RBFOX1: variants seen among roughly 807,000 people sequenced by gnomAD.
RBFOX1 encodes RNA binding fox-1 homolog 1, also known as RNA binding protein fox-1 homolog 1.
A neutral mutation model predicts 57.7 loss-of-function variants in RBFOX1; 8 were observed. The observed-to-expected ratio is 0.14, with a 90% CI of 0.08 to 0.25. RBFOX1 has a LOEUF of 0.25. RBFOX1 is among the 10% of genes least tolerant of loss of function. RBFOX1 has a pLI of 1.00. For synonymous variants in RBFOX1, 326 were observed against 222.4 expected (o/e 1.47, Z -4.15); for missense variants, 611 against 548.5 (o/e 1.11, Z -1.14).
intron 3 of RBFOX1, among the ~76,000 whole-genome samples, chr16:5,745,880 C>T (rs187629294): frequency 6.1e-4 from 93 of 152,264 alleles, no homozygotes; most frequent in African/African-American, 1.9e-3. Flanking sequence ...TTCTCCCATT[C>T]TGTAGGTTGC....
intron 3 of RBFOX1, among the ~76,000 whole-genome samples, chr16:6,881,865 G>C (rs951006223): frequency 6.6e-6 from 1 of 152,114 alleles, no homozygotes; most frequent in African/African-American, 2.4e-5. Context: ...AAAATCTTAA[G>C]AACTGTAGTA....
intron 2 of RBFOX1, among the ~76,000 whole-genome samples, chr16:6,542,415 C>T (rs1222379732): frequency 6.7e-6 from 1 of 148,448 alleles, no homozygotes; most frequent in Non-Finnish European, 1.5e-5. Context: ...CTGAGCTCAA[C>T]AACTGCAGCT....
At chr16:6,453,062 T>A (rs1345348119) in intron 2 of RBFOX1, among the ~76,000 whole-genome samples, 1 of 152,200 alleles carries the variant, frequency 6.6e-6, no homozygotes, top group Non-Finnish European at 1.5e-5. Flanking sequence ...GTATGTATTG[T>A]ACAACTACTC....
chr16:6,253,565 A>G (rs536827266), intron 1 of RBFOX1, among the ~76,000 whole-genome samples: 2 of 152,104 alleles, frequency 1.3e-5, no homozygotes, highest in Admixed American at 1.3e-4. Context: ...TTTGTTTTCC[A>G]ATCAAAGCTT....
intron 3 of RBFOX1, among the ~76,000 whole-genome samples, chr16:5,764,894 C>G (rs889017911): frequency 2.6e-5 from 4 of 152,086 alleles, no homozygotes; most frequent in Non-Finnish European, 4.4e-5. Context: ...CTGTGATCAT[C>G]CTATGAAATA....
At chr16:6,427,640 A>C (rs1168089380) in intron 2 of RBFOX1, among the ~76,000 whole-genome samples, 1 of 152,136 alleles carries the variant, frequency 6.6e-6, no homozygotes, top group Non-Finnish European at 1.5e-5. Context: ...AAGGTGGATT[A>C]TTTTTTGCAA....
chr16:6,162,022 G>T (rs2096883124), intron 1 of RBFOX1, among the ~76,000 whole-genome samples: 1 of 152,208 alleles, frequency 6.6e-6, no homozygotes, highest in South Asian at 2.1e-4. Context: ...TTATTAACCA[G>T]CATTAGCTGC....
At chr16:5,978,344 A>C (rs900021576) in intron 4 of RBFOX1, among the ~76,000 whole-genome samples, 2 of 152,114 alleles carry the variant, frequency 1.3e-5, no homozygotes, top group Admixed American at 6.6e-5. Context: ...AAAAAATAAA[A>C]AAAATAAGCT....
chr16:6,639,275 G>C (rs927479799), intron 2 of RBFOX1, among the ~76,000 whole-genome samples: 2 of 152,166 alleles, frequency 1.3e-5, no homozygotes, highest in Non-Finnish European at 2.9e-5. Context: ...CTGTCTATCT[G>C]ATTCCTAAGA....
intron 2 of RBFOX1, among the ~76,000 whole-genome samples, chr16:6,333,392 T>G (rs2083273520): frequency 6.6e-6 from 1 of 152,210 alleles, no homozygotes; most frequent in African/African-American, 2.4e-5. Context: ...TAAAGCTGTT[T>G]TGTTCTTTGG....
intron 4 of RBFOX1, among the ~76,000 whole-genome samples, chr16:7,185,088 T>C (rs1207686497): frequency 1.3e-5 from 2 of 152,292 alleles, no homozygotes; most frequent in South Asian, 2.1e-4. Flanking sequence ...GTCCATACAA[T>C]ATATCTATTT....
chr16:6,977,362 T>A (rs1308580714), intron 3 of RBFOX1, among the ~76,000 whole-genome samples: 1 of 152,098 alleles, frequency 6.6e-6, no homozygotes, highest in Non-Finnish European at 1.5e-5. Flanking sequence ...AATGCCTTTG[T>A]TCTCTAGATA....
intron 2 of RBFOX1, among the ~76,000 whole-genome samples, chr16:6,459,870 G>A (rs530450863): frequency 1.5e-4 from 23 of 151,670 alleles, no homozygotes; most frequent in African/African-American, 5.6e-4. Context: ...TGTAATCCCA[G>A]CTACTTGGGA....
intron 4 of RBFOX1, among the ~76,000 whole-genome samples, chr16:7,435,561 C>T (rs189274096): frequency 6.6e-6 from 1 of 152,170 alleles, no homozygotes; most frequent in African/African-American, 2.4e-5. Flanking sequence ...GCAGCAGCAT[C>T]TACATCCATG....
intron 4 of RBFOX1, among the ~76,000 whole-genome samples, chr16:7,298,445 T>C (rs1376460144): frequency 6.6e-6 from 1 of 152,084 alleles, no homozygotes; most frequent in Non-Finnish European, 1.5e-5. Flanking sequence ...CGTGCGACTA[T>C]GCCTGAGGGC....
chr16:6,903,680 C>T (rs2069041366), intron 3 of RBFOX1, among the ~76,000 whole-genome samples: 1 of 152,066 alleles, frequency 6.6e-6, no homozygotes, highest in South Asian at 2.1e-4. Flanking sequence ...AAAAGAGATG[C>T]CTTTCAGAAA....
At position 6,216,396 on chromosome 16, in the gene RBFOX1, G is replaced by A. The variant is rs114996734; in HGVS notation, c.-126-100599G>A. 4.4e-3 allele frequency among the ~76,000 whole-genome samples: 665 copies of A among 152,228 alleles called. 6 individuals are homozygous for A. The highest frequency in any genetic ancestry group is 0.015 in the African/African-American group (635 of 41,548). On this transcript the variant is annotated intron_variant, in intron 1 of 15. Transcript: ENST00000550418. ...AGAGAAACAGGCATGAGACCATCAC[G>A]ATGGCTGAAAGAACAGATTCTAGTT...
At chr16:7,220,781 G>T (rs751476203) in intron 4 of RBFOX1, among the ~76,000 whole-genome samples, 1 of 152,096 alleles carries the variant, frequency 6.6e-6, no homozygotes, top group African/African-American at 2.4e-5. Context: ...AGGGCTGGCC[G>T]TACAATCAGC....
At chr16:5,864,450 C>G (rs2057298328) in intron 3 of RBFOX1, among the ~76,000 whole-genome samples, 1 of 151,726 alleles carries the variant, frequency 6.6e-6, no homozygotes, top group African/African-American at 2.4e-5. Context: ...AGGAGTAAAC[C>G]TTTTGTCGGT....
Sources: gnomAD v4.1 joint callset for allele counts (sites outside exome capture counted in the v4.1 genomes callset) on GRCh38, gnomAD v4.1.1 for gene constraint, MANE v1.5 for transcripts, NCBI Gene and HGNC (gene_info 2026-07-23, HGNC 2026-07-21) for gene names.